GRIK1: variants seen among roughly 807,000 people sequenced by gnomAD.
The protein encoded by GRIK1 is glutamate ionotropic receptor kainate type subunit 1.
Under a neutral mutation model 105.7 loss-of-function variants are expected in GRIK1, and 69 were observed. The observed-to-expected ratio is 0.65, with a 90% CI of 0.54 to 0.80. The LOEUF (loss-of-function observed/expected upper bound fraction) is 0.80. Among genes scored for constraint, GRIK1 ranks in the 30% least tolerant of loss-of-function variants. GRIK1 has a pLI of 0.00. For synonymous variants in GRIK1, 438 were observed against 431.3 expected, an observed-to-expected ratio of 1.02 and a Z score of -0.19; for missense variants, 1,109 against 1,167.3, an observed-to-expected ratio of 0.95 and a Z score of 0.73.
intron 1 of GRIK1, among the ~76,000 whole-genome samples, chr21:29,922,951 C>T (rs1314989996): frequency 6.6e-6 from 1 of 152,164 alleles, no homozygotes; most frequent in East Asian, 1.9e-4. Flanking sequence ...TCTACACTAG[C>T]TAGAAAGCAA....
rs77715093 is a variant in GRIK1, at chr21:29,593,175, C to T, written c.1252-1950G>A. Among the ~76,000 whole-genome samples the T allele has an allele frequency of 2.9e-3, 439 of 152,208 alleles. 3 individuals are homozygous for T. The highest frequency in any genetic ancestry group is 0.01 in the African/African-American group (418 of 41,516). ...CCTATACTTAATGAGGGTTAGTTGA[C>T]TGGAGAAATAAAGAGACAGGTATAG... is the stretch of plus-strand genomic sequence containing the variant. On this transcript the variant is annotated intron_variant, in intron 9 of 17. Transcript: ENST00000327783.
chr21:29,585,437 A>G (rs1287856629), intron 12 of GRIK1, among the ~76,000 whole-genome samples: 1 of 152,160 alleles, frequency 6.6e-6, no homozygotes, highest in Non-Finnish European at 1.5e-5. Flanking sequence ...GAACTTTTGG[A>G]TGCTGCTGGC....
chr21:29,703,864 G>A (rs568097186), intron 1 of GRIK1, among the ~76,000 whole-genome samples: 5 of 152,264 alleles, frequency 3.3e-5, no homozygotes, highest in East Asian at 1.9e-4. Flanking sequence ...TGATGTCACC[G>A]TTGAGACAAT....
chr21:29,599,955 G>C (rs566547018), intron 7 of GRIK1, among the ~76,000 whole-genome samples: 2 of 152,018 alleles, frequency 1.3e-5, no homozygotes, highest in Non-Finnish European at 2.9e-5. Context: ...GCGTGGTGGC[G>C]CATGCTTGTA....
chr21:29,691,044 C>T (rs1184832560), intron 2 of GRIK1, among the ~76,000 whole-genome samples: 1 of 152,158 alleles, frequency 6.6e-6, no homozygotes, highest in Non-Finnish European at 1.5e-5. Context: ...AAACATTTGG[C>T]TCATGCCTGT....
chr21:29,557,541 A>G (rs2090287689), intron 15 of GRIK1, among the ~76,000 whole-genome samples: 1 of 152,166 alleles, frequency 6.6e-6, no homozygotes, highest in Non-Finnish European at 1.5e-5. Context: ...AAGTTAGAAA[A>G]ACAGAAGGTT....
At chr21:29,661,773 T>C (rs1185854578) in intron 4 of GRIK1, among the ~76,000 whole-genome samples, 1 of 152,218 alleles carries the variant, frequency 6.6e-6, no homozygotes. Flanking sequence ...ATTGGTACAT[T>C]ACTCCAGCTT....
In GRIK1 at chr21:29,673,119, T is replaced by C; in HGVS notation, c.590A>G (p.Asn197Ser). Residue 197 changes from asparagine (N) to serine (S), a missense_variant, in exon 4 of 18, where the codon AAT becomes AGT. Asn to Ser is a conservative substitution (Grantham distance 46). This residue lies in a region of GRIK1 where 612 missense variants were observed against 586.0 expected (regional missense o/e 1.04). Transcript: ENST00000327783. ...QELIKAPSRY[N>S]IKIKIRQLPS... Reference sequence around the variant, plus strand: ...CAGCTGGCGGATTTTGATTTTAATATTATATCTGGAGGGAGCTTTGATGAG... The same window carrying C: ...CAGCTGGCGGATTTTGATTTTAATACTATATCTGGAGGGAGCTTTGATGAG... 6.2e-7 allele frequency: 1 copy of C among 1,612,826 alleles called. No individual in the cohort carries two copies. The highest frequency in any genetic ancestry group is 8.5e-7 in the Non-Finnish European group (1 of 1,178,918).
intron 1 of GRIK1, among the ~76,000 whole-genome samples, chr21:29,844,472 A>C (rs2068064204): frequency 6.6e-6 from 1 of 152,196 alleles, no homozygotes; most frequent in Non-Finnish European, 1.5e-5. Context: ...ATTTTAGATG[A>C]ATTAAGGAAA....
intron 1 of GRIK1, among the ~76,000 whole-genome samples, chr21:29,743,262 C>T (rs1359219015): frequency 1.3e-5 from 2 of 151,976 alleles, no homozygotes; most frequent in Non-Finnish European, 2.9e-5. Context: ...TTTTCTCATG[C>T]TTTAAAAAAT....
At chr21:29,583,962 C>G (rs189224582) in intron 12 of GRIK1, among the ~76,000 whole-genome samples, 1 of 152,150 alleles carries the variant, frequency 6.6e-6, no homozygotes, top group East Asian at 1.9e-4. Flanking sequence ...CCAAATGACT[C>G]TCAAGAAATC....
chr21:29,891,017 C>A (rs2069877382), intron 1 of GRIK1, among the ~76,000 whole-genome samples: 2 of 152,156 alleles, frequency 1.3e-5, no homozygotes. Flanking sequence ...AACTGAGCCA[C>A]ACAAAATCTC....
At chr21:29,682,526 G>A (rs1007539965) in intron 3 of GRIK1, among the ~76,000 whole-genome samples, 7 of 152,060 alleles carry the variant, frequency 4.6e-5, no homozygotes, top group Non-Finnish European at 1.0e-4. Context: ...AGAATTCAAG[G>A]TATTATCCTT....
chr21:29,633,587 G>T (rs901590767), intron 7 of GRIK1, among the ~76,000 whole-genome samples: 2 of 152,038 alleles, frequency 1.3e-5, no homozygotes, highest in Admixed American at 1.3e-4. Flanking sequence ...CTATTATAAT[G>T]CAAACAAACT....
chr21:29,544,290 A>C (rs1400491018), intron 16 of GRIK1, among the ~76,000 whole-genome samples: 3 of 152,136 alleles, frequency 2.0e-5, no homozygotes, highest in Non-Finnish European at 4.4e-5. Flanking sequence ...ATCCATAGGG[A>C]TTCTTAATTT....
intron 7 of GRIK1, among the ~76,000 whole-genome samples, chr21:29,620,821 T>A (rs1277653119): frequency 1.1e-5 from 1 of 87,458 alleles, no homozygotes; most frequent in Non-Finnish European, 1.9e-5. Flanking sequence ...ATATATATAG[T>A]AATAATATAT....
chr21:29,616,136 G>A (rs1350548894), intron 7 of GRIK1, among the ~76,000 whole-genome samples: 1 of 152,110 alleles, frequency 6.6e-6, no homozygotes, highest in Admixed American at 6.5e-5. Context: ...AAAGAAGTAT[G>A]TCCTGTTCTC....
At chr21:29,649,795 CTT>C (rs138593367) in intron 6 of GRIK1, among the ~76,000 whole-genome samples, 1,974 of 152,294 alleles carry the variant, frequency 0.013, 40 homozygotes, top group African/African-American at 0.045. Context: ...AACTGTAACT[CTT>C]TTAGTGGTAT....
chr21:29,887,458 T>C (rs1236310676), intron 1 of GRIK1, among the ~76,000 whole-genome samples: 2 of 152,216 alleles, frequency 1.3e-5, no homozygotes, highest in Non-Finnish European at 2.9e-5. Flanking sequence ...AGTCACCTGG[T>C]GATGTCAGAC....
Sources: allele counts gnomAD v4.1 joint callset (sites outside exome capture counted in the v4.1 genomes callset), GRCh38; gene constraint gnomAD v4.1.1; regional missense constraint gnomAD v4.1.1; transcripts MANE v1.5; gene names NCBI Gene and HGNC (gene_info 2026-07-23, HGNC 2026-07-21).